PLPPR1: variants seen among roughly 807,000 people sequenced by gnomAD.
The protein encoded by PLPPR1 is phospholipid phosphatase-related protein type 1.
Under a neutral mutation model 33.1 loss-of-function variants are expected in PLPPR1, and 10 were observed. That is an observed-to-expected ratio of 0.30 (90% CI 0.19 to 0.51). The LOEUF is 0.51. Among genes scored for constraint, PLPPR1 ranks in the 20% least tolerant of loss-of-function variants. The pLI, the probability that PLPPR1 is intolerant of heterozygous loss-of-function variation, is 0.97. For synonymous variants in PLPPR1, 151 were observed against 151.0 expected (o/e 1.00, Z 0.00); for missense variants, 304 against 408.1 (o/e 0.74, Z 2.20).
chr9:101,100,228 A>C (rs1830881272), intron 1 of PLPPR1, among the ~76,000 whole-genome samples: 2 of 152,164 alleles, frequency 1.3e-5, no homozygotes, highest in Admixed American at 1.3e-4. Context: ...TCTGATTTAA[A>C]GAATGTCACA....
chr9:101,241,837 A>G (rs995985770), intron 2 of PLPPR1, among the ~76,000 whole-genome samples: 3 of 152,092 alleles, frequency 2.0e-5, no homozygotes, highest in African/African-American at 4.8e-5. Flanking sequence ...AAATCAATCA[A>G]TCAACATTTG....
chr9:101,175,379 C>G (rs1003026628), intron 1 of PLPPR1, among the ~76,000 whole-genome samples: 1 of 152,002 alleles, frequency 6.6e-6, no homozygotes, highest in African/African-American at 2.4e-5. Context: ...TTTTGTCTAC[C>G]TAAAAGTTAA....
chr9:101,081,984 G>T (rs755535064), intron 1 of PLPPR1, among the ~76,000 whole-genome samples: 29 of 152,212 alleles, frequency 1.9e-4, no homozygotes, highest in Admixed American at 7.2e-4. Context: ...TTAAGCAGGT[G>T]CAATGCTCTG....
intron 1 of PLPPR1, among the ~76,000 whole-genome samples, chr9:101,117,565 T>C (rs1831131037): frequency 6.6e-6 from 1 of 151,360 alleles, no homozygotes. Context: ...GAAATAACCA[T>C]AAAAATGGGC....
chr9:101,319,135 C>T (rs915354006), intron 7 of PLPPR1, among the ~76,000 whole-genome samples: 12 of 152,142 alleles, frequency 7.9e-5, no homozygotes, highest in Admixed American at 2.6e-4. Context: ...CACTATTTAA[C>T]GATTATTAAC....
chr9:101,041,832 C>T lies in PLPPR1; in HGVS notation c.-46+12730C>T, dbSNP rs1830081809. 2.0e-5 allele frequency among the ~76,000 whole-genome samples: 3 copies of T among 152,150 alleles called. No individual in the cohort carries two copies. The South Asian group carries it at 6.2e-4, about 31-fold the overall frequency. ...CAATTATTGAATGTTTTATGGTTCT[C>T]TTGCTTTGAACAGAAGTTTTCACTC... On this transcript the variant is annotated intron_variant, in intron 1 of 7. Coordinates refer to ENST00000374874, the MANE Select transcript of PLPPR1 (RefSeq NM_207299.2).
intron 6 of PLPPR1, among the ~76,000 whole-genome samples, chr9:101,316,628 A>AAAAAAAAAAAAAAAAAAAAAAG (rs1829056572): frequency 6.6e-6 from 1 of 150,878 alleles, no homozygotes; most frequent in Non-Finnish European, 1.5e-5. Flanking sequence ...AAAAAAAAAA[A>AAAAAAAAAAAAAAAAAAAAAAG]GCAGGGAAGA....
At chr9:101,289,192 A>G (rs1247085559) in intron 4 of PLPPR1, among the ~76,000 whole-genome samples, 5 of 152,234 alleles carry the variant, frequency 3.3e-5, no homozygotes, top group Non-Finnish European at 7.4e-5. Context: ...CCTTCACTTT[A>G]CAAGCTGGCC....
chr9:101,135,995 G>A (rs953531325), intron 1 of PLPPR1, among the ~76,000 whole-genome samples: 3 of 152,170 alleles, frequency 2.0e-5, no homozygotes, highest in African/African-American at 7.2e-5. Context: ...AGCAGATAGT[G>A]TGTTCCGTGA....
At chr9:101,229,601 T>G (rs1198508176) in intron 2 of PLPPR1, among the ~76,000 whole-genome samples, 1 of 152,102 alleles carries the variant, frequency 6.6e-6, no homozygotes, top group African/African-American at 2.4e-5. Flanking sequence ...ATCTTTATAA[T>G]AAAAAAGGGC....
chr9:101,206,832 C>T (rs1324230151), intron 2 of PLPPR1, among the ~76,000 whole-genome samples: 1 of 152,082 alleles, frequency 6.6e-6, no homozygotes, highest in Non-Finnish European at 1.5e-5. Context: ...GCACCAGGGC[C>T]AAAGAGATTT....
chr9:101,079,359 C>T (rs921004664), intron 1 of PLPPR1, among the ~76,000 whole-genome samples: 1 of 152,094 alleles, frequency 6.6e-6, no homozygotes, highest in African/African-American at 2.4e-5. Context: ...CTTTGTTTTG[C>T]TGGAGCACAT....
At chr9:101,196,688 C>T (rs942656852) in intron 2 of PLPPR1, among the ~76,000 whole-genome samples, 3 of 152,024 alleles carry the variant, frequency 2.0e-5, no homozygotes, top group South Asian at 4.1e-4. Context: ...GGTGAAACCA[C>T]GTCTCTACTA....
At chr9:101,106,147 C>T (rs145337812) in intron 1 of PLPPR1, among the ~76,000 whole-genome samples, 1 of 150,936 alleles carries the variant, frequency 6.6e-6, no homozygotes. Context: ...AGTCCATTTA[C>T]ATTTAAAGTT....
intron 1 of PLPPR1, among the ~76,000 whole-genome samples, chr9:101,181,113 GATATATATTAGATATATTATATATCTA>G (rs1359144599): frequency 1.4e-5 from 2 of 146,760 alleles, no homozygotes; most frequent in Non-Finnish European, 3.0e-5. Context: ...ATGGCCAACA[GATATATATTAGATATATTATATATCTA>G]ATATATATTA....
intron 7 of PLPPR1, among the ~76,000 whole-genome samples, chr9:101,322,311 A>G (rs1829169672): frequency 6.6e-6 from 1 of 151,634 alleles, no homozygotes; most frequent in Middle Eastern, 3.4e-3. Flanking sequence ...GACCCAAAGC[A>G]TTGAGTTTTA....
chr9:101,324,061 G>A lies in PLPPR1; in HGVS notation c.*4G>A, dbSNP rs368799894. The A allele has an allele frequency of 9.3e-6, 15 of 1,610,702 alleles. No individual in the cohort carries two copies. The highest frequency in any genetic ancestry group is 1.6e-4 in the Middle Eastern group (1 of 6,070). On this transcript the variant is annotated 3_prime_UTR_variant, in exon 8 of 8. Transcript: ENST00000374874. ...GTCCATGACCGAAGTTACCTGAGAC[G>A]ACTGATGTGTCACAAGCTGTTTTTT...
chr9:101,321,040 C>A (rs530654922), intron 7 of PLPPR1, among the ~76,000 whole-genome samples: 1 of 152,284 alleles, frequency 6.6e-6, no homozygotes, highest in African/African-American at 2.4e-5. Context: ...AAAGTAAATA[C>A]CCCCCTGTGA....
chr9:101,270,906 C>T (rs1402539308), intron 3 of PLPPR1, among the ~76,000 whole-genome samples: 1 of 152,134 alleles, frequency 6.6e-6, no homozygotes, highest in African/African-American at 2.4e-5. Context: ...TCCCTCCTCC[C>T]CTACCTGCCC....
Sources: gnomAD v4.1 joint callset for allele counts (sites outside exome capture counted in the v4.1 genomes callset) on GRCh38, gnomAD v4.1.1 for gene constraint, MANE v1.5 for transcripts, NCBI Gene and HGNC (gene_info 2026-07-23, HGNC 2026-07-21) for gene names.